Variants in MRPL13 observed in about 807,000 individuals in gnomAD.
MRPL13 encodes large ribosomal subunit protein uL13m.
MRPL13 carries 33 observed loss-of-function variants against 29.0 expected under a neutral mutation model. That is an observed-to-expected ratio of 1.14 (90% CI 0.86 to 1.52). The LOEUF (loss-of-function observed/expected upper bound fraction) is 1.52, where lower values mean the gene tolerates loss of function less well. Among genes scored for constraint, MRPL13 ranks in the 40% most tolerant of loss-of-function variants. The pLI, the probability that MRPL13 is intolerant of heterozygous loss-of-function variation, is 0.00. For synonymous variants in MRPL13, 77 were observed against 68.4 expected, an observed-to-expected ratio of 1.13 and a Z score of -0.62; for missense variants, 227 against 216.7, an observed-to-expected ratio of 1.05 and a Z score of -0.30.
chr8:120,406,615 GAT>G (rs1326948930), intron 6 of MRPL13, among the ~76,000 whole-genome samples: 2 of 148,936 alleles, frequency 1.3e-5, no homozygotes, highest in Non-Finnish European at 3.0e-5. Context: ...ATACAGCTAT[GAT>G]ATATATTTTA....
Position 120,445,088 on chromosome 8 carries a change from T to G in MRPL13, c.7A>C (p.Ser3Arg), listed in dbSNP as rs763443203. 57 of 1,613,652 alleles carry G rather than the reference T, an allele frequency of 3.5e-5. No individual in the cohort carries two copies. In the South Asian group the frequency reaches 5.8e-4, roughly 16 times the overall value. ...CTCACCTGGGGCGCCCTAGAGAAAC[T>G]CGACATATTCCTCTACTAGCAGGAC... is the stretch of plus-strand genomic sequence containing the variant. Reference protein sequence around the residue: MSSFSRAPQQWAT... With the variant: MSRFSRAPQQWAT... The change falls in exon 1 of 7, where the codon AGT becomes CGT. Residue 3 changes from serine to arginine, a missense_variant. Ser to Arg is a moderately radical substitution (Grantham distance 110). Transcript: ENST00000306185.
chr8:120,425,513 CG>C (rs1000519469), intron 3 of MRPL13, 147 bp from the exon 4 acceptor site: 4 of 547,574 alleles, frequency 7.3e-6, no homozygotes, highest in African/African-American at 5.7e-5. Flanking sequence ...TAGTAATCTA[CG>C]CTTTTTGAAA....
chr8:120,431,317 G>A (rs1170179323), intron 3 of MRPL13, among the ~76,000 whole-genome samples: 1 of 152,094 alleles, frequency 6.6e-6, no homozygotes, highest in African/African-American at 2.4e-5. Context: ...TGAAGCTATG[G>A]GTTAACTAAT....
intron 6 of MRPL13, among the ~76,000 whole-genome samples, chr8:120,401,545 C>A (rs1056697691): frequency 2.6e-5 from 4 of 152,144 alleles, no homozygotes; most frequent in African/African-American, 9.7e-5. Context: ...CAGCCAATAT[C>A]ATACTGAATG....
In MRPL13 at chr8:120,402,890, TG is replaced by T. The variant is rs371917770; in HGVS notation, c.516-6766del. 1.9e-4 allele frequency among the ~76,000 whole-genome samples: 29 copies of T among 151,996 alleles called. No individual in the cohort carries two copies. In the East Asian group the frequency reaches 5.6e-3, roughly 29 times the overall value. On this transcript the variant is annotated intron_variant, in intron 6 of 6. Transcript: ENST00000306185. ...GACATTCATGAGGCCAACAAACATA[TG>T]AAAAAAAGCTCAACATCACTGATCA...
intron 6 of MRPL13, among the ~76,000 whole-genome samples, chr8:120,408,214 CATACTTTTAA>C (rs1255626286): frequency 6.6e-6 from 1 of 152,170 alleles, no homozygotes; most frequent in African/African-American, 2.4e-5. Context: ...TACAGATCAA[CATACTTTTAA>C]ATAAACTAAA....
intron 5 of MRPL13, chr8:120,415,135 T>C (rs1268990616): frequency 6.6e-6 from 1 of 152,170 alleles, no homozygotes; most frequent in Non-Finnish European, 1.5e-5. Flanking sequence ...ACATTTATAT[T>C]GTACTCATGA....
intron 6 of MRPL13, among the ~76,000 whole-genome samples, chr8:120,406,654 T>C (rs1445090597): frequency 6.6e-6 from 1 of 150,912 alleles, no homozygotes; most frequent in Admixed American, 6.6e-5. Flanking sequence ...AGTATACTTA[T>C]ATATAAAAAT....
rs988174320 is a variant in MRPL13, at chr8:120,424,328, T to TA, written c.306+977dup. Among the ~76,000 whole-genome samples, 138 of 151,310 alleles carry TA rather than the reference T, an allele frequency of 9.1e-4. 2 individuals are homozygous for TA. In the East Asian group the frequency reaches 0.026, roughly 28 times the overall value. ...AGGCAAAAATTGACAGGAAAAAAAA[T>TA]AAAAAATAAATAAAACATAAACAAG... On this transcript the variant is annotated intron_variant, in intron 4 of 6. Coordinates refer to ENST00000306185, the MANE Select transcript of MRPL13 (RefSeq NM_014078.6).
At chr8:120,402,061 A>C (rs977508196) in intron 6 of MRPL13, among the ~76,000 whole-genome samples, 11 of 152,214 alleles carry the variant, frequency 7.2e-5, no homozygotes, top group African/African-American at 2.7e-4. Flanking sequence ...GTATTGTGAA[A>C]ATGTCCATAC....
chr8:120,425,129 AATAC>A (rs1280399815), intron 4 of MRPL13, among the ~76,000 whole-genome samples, 173 bp downstream of exon 4: 1 of 152,200 alleles, frequency 6.6e-6, no homozygotes, highest in East Asian at 1.9e-4. Flanking sequence ...GCAATTAGAA[AATAC>A]ATAGAGTTGA....
In MRPL13 at chr8:120,418,069, G is replaced by A. The variant is rs370406628; in HGVS notation, c.393+1783C>T. ...GCAACTTTCTCTTCCCGTGCTTTAC[G>A]CAAAAAGTAGCGCACATAAATATAT... On this transcript the variant is annotated intron_variant, in intron 5 of 6. Coordinates refer to ENST00000306185, the MANE Select transcript of MRPL13 (RefSeq NM_014078.6). Among the ~76,000 whole-genome samples the A allele has an allele frequency of 1.1e-4, 16 of 152,010 alleles. No individual in the cohort carries two copies. In the South Asian group the frequency reaches 2.7e-3, roughly 26 times the overall value.
chr8:120,410,568 T>A (rs1413439643), intron 6 of MRPL13, among the ~76,000 whole-genome samples: 1 of 152,208 alleles, frequency 6.6e-6, no homozygotes, highest in African/African-American at 2.4e-5. Flanking sequence ...CATAGTCCAA[T>A]AATGTAGACA....
chr8:120,399,313 C>T lies in MRPL13; in HGVS notation c.516-3188G>A, dbSNP rs182599704. ...GTGGACCTCTCAGTAGAAACCCTAC[C>T]AGCCAGAAGAGATTGGGGGCCAATT... On this transcript the variant is annotated intron_variant, in intron 6 of 6. Coordinates refer to ENST00000306185, the MANE Select transcript of MRPL13 (RefSeq NM_014078.6). 5.6e-3 allele frequency among the ~76,000 whole-genome samples: 856 copies of T among 152,244 alleles called. 2 individuals are homozygous for T. Among genetic ancestry groups the T allele is most frequent in the South Asian group, 0.011 (53 of 4,822 alleles).
intron 2 of MRPL13, among the ~76,000 whole-genome samples, chr8:120,434,208 C>T (rs910663408): frequency 6.6e-6 from 1 of 152,018 alleles, no homozygotes. Context: ...AATGTTTTGG[C>T]CCACCTTCTC....
intron 2 of MRPL13, among the ~76,000 whole-genome samples, chr8:120,437,838 T>C (rs1426796757): frequency 6.6e-6 from 1 of 152,192 alleles, no homozygotes; most frequent in Non-Finnish European, 1.5e-5. Flanking sequence ...TGATCATCAT[T>C]TGTAATATTA....
chr8:120,407,814 T>G (rs1375763363), intron 6 of MRPL13, among the ~76,000 whole-genome samples: 2 of 152,200 alleles, frequency 1.3e-5, no homozygotes, highest in Admixed American at 6.5e-5. Context: ...CAAAAAAATT[T>G]TTTTCTTCAA....
chr8:120,422,996 T>C (rs1020762930), intron 4 of MRPL13, among the ~76,000 whole-genome samples: 1 of 151,958 alleles, frequency 6.6e-6, no homozygotes, highest in Non-Finnish European at 1.5e-5. Flanking sequence ...TAGAATCAGA[T>C]CTAAACTCTA....
intron 6 of MRPL13, among the ~76,000 whole-genome samples, chr8:120,412,748 CCAGA>C (rs931261843): frequency 4.6e-5 from 7 of 152,100 alleles, no homozygotes; most frequent in South Asian, 2.1e-4. Flanking sequence ...AAATGTTGAA[CCAGA>C]CAATGTCCCT....
Sources: allele counts gnomAD v4.1 joint callset (sites outside exome capture counted in the v4.1 genomes callset), GRCh38; gene constraint gnomAD v4.1.1; transcripts MANE v1.5; gene names NCBI Gene and HGNC (gene_info 2026-07-23, HGNC 2026-07-21).